Variants in TBP observed in about 807,000 individuals in gnomAD.
TBP encodes TATA-box-binding protein.
TBP carries 12 observed loss-of-function variants against 46.2 expected under a neutral mutation model. The observed-to-expected ratio is 0.26, with a 90% CI of 0.17 to 0.42. TBP has a LOEUF of 0.42. Ranked by LOEUF, TBP falls within the 10% of genes least tolerant of loss-of-function variation. The pLI is 1.00. For synonymous variants in TBP, 157 were observed against 148.3 expected (o/e 1.06, Z -0.42); for missense variants, 229 against 403.1 (o/e 0.57, Z 3.70).
At chr6:170,562,540 T>C (rs1009705492) in intron 3 of TBP, among the ~76,000 whole-genome samples, 1 of 152,234 alleles carries the variant, frequency 6.6e-6, no homozygotes, top group East Asian at 1.9e-4. Context: ...GTATCTGATA[T>C]CGCTAAATCA....
Position 170,561,943 on chromosome 6 carries a change from G to T in TBP, c.207G>T (p.Gln69His). Residue 69 changes from glutamine to histidine, a missense_variant, in exon 3 of 8, where the codon CAG becomes CAT. By Grantham distance (24) the Gln-to-His change is conservative. Transcript: ENST00000392092. ...AACAACAACAGCAGCAGCAGCAGCA[G>T]CAGCAGCAACAGCAACAGCAGCAGC... is the stretch of plus-strand genomic sequence containing the variant. ...QQQQQQQQQQ[Q>H]QQQQQQQQQQ... 6.3e-7 allele frequency: 1 copy of T among 1,579,622 alleles called. No individual in the cohort carries two copies. Among genetic ancestry groups the T allele is most frequent in the Non-Finnish European group, 8.6e-7 (1 of 1,168,840 alleles).
chr6:170,562,162 C>G lies in TBP; in HGVS notation c.426C>G (p.Pro142=), dbSNP rs374621399. The G allele has an allele frequency of 1.2e-6, 2 of 1,614,070 alleles. No individual in the cohort carries two copies. The highest frequency in any genetic ancestry group is 1.7e-5 in the Admixed American group (1 of 60,006). ...LPGTTPLYPS[P]MTPMTPITPA... Reference sequence around the variant, plus strand: ...GCACCACTCCACTGTATCCCTCCCCCATGACTCCCATGACCCCCATCACTC... The same window carrying G: ...GCACCACTCCACTGTATCCCTCCCCGATGACTCCCATGACCCCCATCACTC... The change falls in exon 3 of 8, where the codon CCC becomes CCG. Residue 142 remains proline (P), a synonymous_variant. Transcript: ENST00000392092.
chr6:170,572,274 A>G lies in TBP; in HGVS notation c.*9A>G, dbSNP rs1210046563. On this transcript the variant is annotated 3_prime_UTR_variant, in exon 8 of 8. Coordinates refer to ENST00000392092, the MANE Select transcript of TBP (RefSeq NM_003194.5). ...TCAGGAAGACGACGTAATGGCTCTC[A>G]TGTACCCTTGCCTCCCCCACCCCCT... 2 of 1,604,522 alleles carry G rather than the reference A, an allele frequency of 1.2e-6. No individual in the cohort carries two copies. The highest frequency in any genetic ancestry group is 1.7e-6 in the Non-Finnish European group (2 of 1,173,300).
chr6:170,559,834 G>T (rs948533006), intron 2 of TBP, among the ~76,000 whole-genome samples: 2 of 152,220 alleles, frequency 1.3e-5, no homozygotes, highest in African/African-American at 4.8e-5. Flanking sequence ...TCAGAGGACT[G>T]GCTGACTAGT....
Position 170,557,052 on chromosome 6 carries a change from C to T in TBP, c.23C>T (p.Pro8Leu), listed in dbSNP as rs1009942407. 3 of 1,614,044 alleles carry T rather than the reference C, an allele frequency of 1.9e-6. No homozygotes were observed. The highest frequency in any genetic ancestry group is 3.3e-5 in the Admixed American group (2 of 59,996). MDQNNSL[P>L]PYAQGLASPQ... Reference sequence around the variant, plus strand: ...ATCATGGATCAGAACAACAGCCTGCCACCTTACGCTCAGGGCTTGGCCTCC... The same window carrying T: ...ATCATGGATCAGAACAACAGCCTGCTACCTTACGCTCAGGGCTTGGCCTCC... Residue 8 changes from proline (P) to leucine (L), a missense_variant, in exon 2 of 8, where the codon CCA (proline) becomes CTA (leucine). Around this residue, in one of 4 missense-constraint regions of TBP, gnomAD observed 49 missense variants for 94.7 expected, o/e 0.52. Coordinates refer to ENST00000392092, the MANE Select transcript of TBP (RefSeq NM_003194.5).
chr6:170,561,675 C>A (rs2114993637), intron 2 of TBP, 116 bp from the exon 3 acceptor site: 1 of 1,509,890 alleles, frequency 6.6e-7, no homozygotes, highest in Admixed American at 2.2e-5. Flanking sequence ...TTTAATAACC[C>A]CATTATTCTC....
chr6:170,569,908 T>C (rs915702111), intron 6 of TBP, 129 bp downstream of exon 6: 4 of 837,788 alleles, frequency 4.8e-6, no homozygotes, highest in Non-Finnish European at 7.0e-6. Flanking sequence ...TTGTATGTAT[T>C]CTTGCATTGT....
intron 1 of TBP, among the ~76,000 whole-genome samples, chr6:170,555,014 G>A (rs1778989056): frequency 6.6e-6 from 1 of 152,176 alleles, no homozygotes; most frequent in Non-Finnish European, 1.5e-5. Context: ...AAAAGACTGT[G>A]CTTCATTTAG....
intron 5 of TBP, among the ~76,000 whole-genome samples, chr6:170,568,741 C>T (rs905884007): frequency 4.6e-4 from 60 of 131,334 alleles, no homozygotes; most frequent in Non-Finnish European, 8.5e-4. Flanking sequence ...GTGTGAGCCA[C>T]CGTGCCCGAC....
chr6:170,559,229 G>A (rs1056325444), intron 2 of TBP, among the ~76,000 whole-genome samples: 5 of 152,288 alleles, frequency 3.3e-5, no homozygotes, highest in African/African-American at 1.2e-4. Flanking sequence ...GTGTTCAGAT[G>A]AAGGGAAGAG....
At chr6:170,566,826 C>A in intron 4 of TBP, 92 bp from the exon 5 acceptor site, 1 of 970,996 alleles carries the variant, frequency 1.0e-6, no homozygotes. Flanking sequence ...GTCCTTCCTA[C>A]CAGTTGTGAT....
chr6:170,563,975 A>T (rs1320442145), intron 3 of TBP, among the ~76,000 whole-genome samples: 3 of 152,110 alleles, frequency 2.0e-5, no homozygotes, highest in African/African-American at 7.2e-5. Flanking sequence ...GTGGACCCAG[A>T]TGGCTCCATT....
chr6:170,562,502 GTTA>G (rs1562360036), intron 3 of TBP, among the ~76,000 whole-genome samples: 2 of 152,112 alleles, frequency 1.3e-5, no homozygotes, highest in South Asian at 2.1e-4. Flanking sequence ...TTTCACTGTC[GTTA>G]TTATTATATT....
chr6:170,572,392 C>T lies in TBP; in HGVS notation c.*127C>T. ...GATGTTGAGTTGCAGGGTGTGGCACCAGGTGATGCCCTTCTGTAAGTGCCC... is the reference window on the plus strand; with the variant it reads ...GATGTTGAGTTGCAGGGTGTGGCACTAGGTGATGCCCTTCTGTAAGTGCCC... On this transcript the variant is annotated 3_prime_UTR_variant, in exon 8 of 8. Transcript: ENST00000392092. 1.3e-6 allele frequency: 1 copy of T among 775,892 alleles called. No homozygotes were observed. The highest frequency in any genetic ancestry group is 1.7e-5 in the South Asian group (1 of 59,432). 48.1% of individuals were successfully genotyped at this position (775,892 alleles called of 1,614,324 possible). A position where few individuals can be genotyped will look rare whatever the true frequency, so the allele number is the denominator to read the frequency against.
chr6:170,565,013 C>T lies in TBP; in HGVS notation c.585+381C>T, dbSNP rs544762083. Among the ~76,000 whole-genome samples, 15 of 152,078 alleles carry T rather than the reference C, an allele frequency of 9.9e-5. No individual in the cohort carries two copies. In the South Asian group the frequency reaches 1.2e-3, roughly 13 times the overall value. ...CTCTACTAAAAATACAAAAATTTGC[C>T]GGGAGTGGTGGCATGCGCCTGTAAT... On this transcript the variant is annotated intron_variant, in intron 4 of 7. Transcript: ENST00000392092.
At position 170,572,191 on chromosome 6, in the gene TBP, A is replaced by C. The variant is rs1420558024; in HGVS notation, c.946A>C (p.Lys316Gln). 1 of 1,613,636 alleles carries C rather than the reference A, an allele frequency of 6.2e-7. No homozygotes were observed. ...VSGKVVLTGA[K>Q]VRAEIYEAFE... ...ACTCCAACTTGTCTTCTTAGGTGCT[A>C]AAGTCAGAGCAGAAATTTATGAAGC... Residue 316 changes from lysine to glutamine, a missense_variant, in exon 8 of 8, where the codon AAA (lysine) becomes CAA (glutamine). Lys to Gln is a moderately conservative substitution (Grantham distance 53, BLOSUM62 1). This residue lies in a region of TBP where 44 missense variants were observed against 54.1 expected (regional missense o/e 0.81). Transcript: ENST00000392092.
intron 6 of TBP, among the ~76,000 whole-genome samples, 162 bp downstream of exon 6, chr6:170,569,941 T>C (rs556832961): frequency 6.6e-6 from 1 of 152,346 alleles, no homozygotes; most frequent in South Asian, 2.1e-4. Flanking sequence ...CTCAGTCATA[T>C]TTATCACCCT....
intron 4 of TBP, among the ~76,000 whole-genome samples, chr6:170,565,891 A>C (rs1244524816): frequency 1.3e-5 from 2 of 152,120 alleles, no homozygotes; most frequent in African/African-American, 2.4e-5. Flanking sequence ...TGGGCAACAT[A>C]GCAAGGCCTT....
In TBP at chr6:170,557,094, A is replaced by G; in HGVS notation, c.54+11A>G. 1 of 1,612,802 alleles carries G rather than the reference A, an allele frequency of 6.2e-7. No individual in the cohort carries two copies. The highest frequency in any genetic ancestry group is 8.5e-7 in the Non-Finnish European group (1 of 1,178,792). On this transcript the variant is annotated intron_variant, in intron 2 of 7. Coordinates refer to ENST00000392092, the MANE Select transcript of TBP (RefSeq NM_003194.5). ...TTGGCCTCCCCTCAGGTAATATAGCAGGAGGGAGAGAATAGGGAGGGCGGA... is the reference window on the plus strand; with the variant it reads ...TTGGCCTCCCCTCAGGTAATATAGCGGGAGGGAGAGAATAGGGAGGGCGGA...
Sources: allele counts gnomAD v4.1 joint callset (sites outside exome capture counted in the v4.1 genomes callset), GRCh38; gene constraint gnomAD v4.1.1; regional missense constraint gnomAD v4.1.1; transcripts MANE v1.5; gene names NCBI Gene and HGNC (gene_info 2026-07-23, HGNC 2026-07-21).